The following CUX2 variants were observed in gnomAD, a reference collection of about 807,000 sequenced individuals.
CUX2 encodes cut like homeobox 2.
In CUX2, 40 loss-of-function variants were observed where a neutral mutation model predicts 144.8. That is an observed-to-expected ratio of 0.28 (90% confidence interval 0.21 to 0.36). The LOEUF is 0.36. CUX2 is among the 10% of genes least tolerant of loss of function. The pLI, the probability that CUX2 is intolerant of heterozygous loss-of-function variation, is 1.00. For synonymous variants in CUX2, 827 were observed against 875.6 expected (o/e 0.94, Z 0.98); for missense variants, 1,615 against 1,994.0 (o/e 0.81, Z 3.62).
intron 14 of CUX2, among the ~76,000 whole-genome samples, chr12:111,309,821 CTCTG>C: frequency 6.6e-6 from 1 of 151,466 alleles, no homozygotes; most frequent in Admixed American, 6.6e-5. Context: ...TGATTTCTCT[CTCTG>C]TCTCTCTCAT....
intron 9 of CUX2, among the ~76,000 whole-genome samples, chr12:111,301,283 A>G (rs1012366873): frequency 6.6e-6 from 1 of 152,140 alleles, no homozygotes; most frequent in Non-Finnish European, 1.5e-5. Context: ...CCCAATTCTT[A>G]CTCCTGGGGT....
intron 1 of CUX2, among the ~76,000 whole-genome samples, chr12:111,110,331 C>T (rs572708690): frequency 6.6e-6 from 1 of 152,282 alleles, no homozygotes; most frequent in East Asian, 1.9e-4. Flanking sequence ...TGCTGTTTGC[C>T]TCTTAGCATC....
intron 1 of CUX2, among the ~76,000 whole-genome samples, chr12:111,200,100 G>T (rs1880488278): frequency 1.3e-5 from 2 of 152,120 alleles, no homozygotes; most frequent in Admixed American, 1.3e-4. Flanking sequence ...GCTTTTGCCT[G>T]TGTTGTTTTG....
rs114147895 is a variant in CUX2, at chr12:111,072,355, T to C, written c.63+38115T>C. On this transcript the variant is annotated intron_variant, in intron 1 of 21. Transcript: ENST00000261726. ...ATAGTTTGTTACATTTAGCCTTGCT[T>C]TATTTATATATAGTATTTAGTCTAC... Among the ~76,000 whole-genome samples, 450 of 152,352 alleles carry C rather than the reference T, an allele frequency of 3.0e-3. 5 individuals are homozygous for C. The highest frequency in any genetic ancestry group is 0.01 in the African/African-American group (428 of 41,590).
At chr12:111,137,084 C>T (rs1398034136) in intron 1 of CUX2, among the ~76,000 whole-genome samples, 1 of 151,316 alleles carries the variant, frequency 6.6e-6, no homozygotes, top group African/African-American at 2.4e-5. Flanking sequence ...ACCACAGGCA[C>T]GAGCCACCAC....
intron 1 of CUX2, among the ~76,000 whole-genome samples, chr12:111,167,325 C>G (rs1825110503): frequency 6.6e-6 from 1 of 152,154 alleles, no homozygotes; most frequent in African/African-American, 2.4e-5. Context: ...TGACTTGGCT[C>G]GAAAACCTCT....
chr12:111,262,285 G>C (rs1009036618), intron 3 of CUX2, among the ~76,000 whole-genome samples: 1 of 152,140 alleles, frequency 6.6e-6, no homozygotes, highest in African/African-American at 2.4e-5. Flanking sequence ...CATTTGTTGA[G>C]GGAATGAGAG....
At chr12:111,241,915 G>A (rs1380186805) in intron 3 of CUX2, among the ~76,000 whole-genome samples, 1 of 152,266 alleles carries the variant, frequency 6.6e-6, no homozygotes, top group Non-Finnish European at 1.5e-5. Context: ...TCTGTTCTAA[G>A]TTTTCCTCTT....
intron 1 of CUX2, among the ~76,000 whole-genome samples, chr12:111,161,190 A>T (rs61943042): frequency 0.012 from 1,839 of 152,254 alleles, 20 homozygotes; most frequent in Non-Finnish European, 0.015. Context: ...TGGCCACTTT[A>T]TCCCCATCAG....
Position 111,312,109 on chromosome 12 carries a change from C to A in CUX2, c.1910C>A (p.Thr637Asn). ...CTTCTTGCCTCCCCAGGCAGCATCA[C>A]CCCGAGAATCCGCACGCCTGAGACA... The part of the protein sequence containing the change: ...TIQVRQRGSI[T>N]PRIRTPETGS... The change falls in exon 16 of 22, where the codon ACC becomes AAC. Residue 637 changes from threonine (T) to asparagine (N), a missense_variant. Around this residue, in one of 12 missense-constraint regions of CUX2, gnomAD observed 71 missense variants for 142.3 expected, o/e 0.50. Coordinates refer to ENST00000261726, the MANE Select transcript of CUX2 (RefSeq NM_015267.4). The surrounding 1 kb of genome is among the most constrained non-coding windows in gnomAD (Gnocchi z 4.3). 2 of 1,610,156 alleles carry A rather than the reference C, an allele frequency of 1.2e-6. No individual in the cohort carries two copies. Among genetic ancestry groups the A allele is most frequent in the Non-Finnish European group, 1.7e-6 (2 of 1,176,964 alleles).
Position 111,186,878 on chromosome 12 carries a change from G to C in CUX2, c.64-27322G>C, listed in dbSNP as rs1453897616. Among the ~76,000 whole-genome samples the C allele has an allele frequency of 6.6e-6, 1 of 151,434 alleles. No individual in the cohort carries two copies. The highest frequency in any genetic ancestry group is 2.1e-4 in the South Asian group (1 of 4,800). On this transcript the variant is annotated intron_variant, in intron 1 of 21. Coordinates refer to ENST00000261726, the MANE Select transcript of CUX2 (RefSeq NM_015267.4). The surrounding 1 kb of genome is among the most constrained non-coding windows in gnomAD (Gnocchi z 4.4). ...ATTGCAACCTCCACCTCCTGGGTTC[G>C]AGTGATTCTCCTGCCTCAGCCTCCT... is the stretch of plus-strand genomic sequence containing the variant.
intron 1 of CUX2, among the ~76,000 whole-genome samples, chr12:111,063,305 G>A (rs1223708173): frequency 1.3e-5 from 2 of 152,054 alleles, no homozygotes; most frequent in African/African-American, 2.4e-5. Flanking sequence ...AAAAGAGAAG[G>A]ATCCAAAAAA....
At chr12:111,256,076 T>A (rs1035250384) in intron 3 of CUX2, among the ~76,000 whole-genome samples, 3 of 150,580 alleles carry the variant, frequency 2.0e-5, no homozygotes, top group Admixed American at 6.6e-5. Flanking sequence ...CCCCTCCCCC[T>A]CTGGTACATC....
In CUX2 at chr12:111,289,323, C is replaced by T. The variant is rs868712845; in HGVS notation, c.302-2095C>T. On this transcript the variant is annotated intron_variant, in intron 4 of 21. Coordinates refer to ENST00000261726, the MANE Select transcript of CUX2 (RefSeq NM_015267.4). This position sits in a 1 kb window ranked among gnomAD's most constrained non-coding sequence, Gnocchi z 4.1. ...CTAGGACAGGAGGCCTTTGTGATATCAAAGCAAGAGACCCAGATTCGAGTC... is the reference window on the plus strand; with the variant it reads ...CTAGGACAGGAGGCCTTTGTGATATTAAAGCAAGAGACCCAGATTCGAGTC... Among the ~76,000 whole-genome samples the T allele has an allele frequency of 1.3e-5, 2 of 152,118 alleles. No individual in the cohort carries two copies. Among genetic ancestry groups the T allele is most frequent in the African/African-American group, 4.8e-5 (2 of 41,422 alleles).
chr12:111,154,987 C>T (rs753961155), intron 1 of CUX2, among the ~76,000 whole-genome samples: 12 of 152,156 alleles, frequency 7.9e-5, no homozygotes, highest in Non-Finnish European at 1.5e-4. Context: ...TGGGGCAAGT[C>T]AGGCAATACT....
rs762029333 is a variant in CUX2 at position 111,263,011 on chromosome 12, G to A, written c.223-750G>A. Among the ~76,000 whole-genome samples the A allele has an allele frequency of 4.6e-5, 7 of 152,144 alleles. No individual in the cohort carries two copies. Among genetic ancestry groups the A allele is most frequent in the Non-Finnish European group, 8.8e-5 (6 of 68,032 alleles). ...GGAGGTAGGTCCTGTTATTTACCCC[G>A]CATTTTACAGATGAAGAAACTGAGA... On this transcript the variant is annotated intron_variant, in intron 3 of 21. Transcript: ENST00000261726. This position sits in a 1 kb window ranked among gnomAD's most constrained non-coding sequence, Gnocchi z 4.0.
In CUX2 at chr12:111,078,464, C is replaced by T. The variant is rs566766904; in HGVS notation, c.63+44224C>T. On this transcript the variant is annotated intron_variant, in intron 1 of 21. Transcript: ENST00000261726. ...GGAGGCTCACTTGAAGTCAGGAGTT[C>T]AAGACCAGCCTGTCCAACATAGTGA... Among the ~76,000 whole-genome samples, 7 of 152,052 alleles carry T rather than the reference C, an allele frequency of 4.6e-5. No individual in the cohort carries two copies. In the South Asian group the frequency reaches 8.3e-4, roughly 18 times the overall value.
chr12:111,284,850 T>A (rs1030002370), intron 4 of CUX2, among the ~76,000 whole-genome samples: 3 of 152,162 alleles, frequency 2.0e-5, no homozygotes, highest in Admixed American at 1.3e-4. Context: ...GAGCAGATGT[T>A]TATGAGGCAC....
At position 111,287,996 on chromosome 12, in the gene CUX2, G is replaced by C. The variant is rs537176368; in HGVS notation, c.302-3422G>C. Among the ~76,000 whole-genome samples, 1 of 152,344 alleles carries C rather than the reference G, an allele frequency of 6.6e-6. No individual in the cohort carries two copies. Among genetic ancestry groups the C allele is most frequent in the East Asian group, 1.9e-4 (1 of 5,190 alleles). On this transcript the variant is annotated intron_variant, in intron 4 of 21. Coordinates refer to ENST00000261726, the MANE Select transcript of CUX2 (RefSeq NM_015267.4). This position sits in a 1 kb window ranked among gnomAD's most constrained non-coding sequence, Gnocchi z 4.2. ...CTTGCCTTGTCGAGTTTGCAGTCCA[G>C]TGGGTGTTAATTAGGTGAACCTGCA...
Sources: gnomAD v4.1 joint callset for allele counts (sites outside exome capture counted in the v4.1 genomes callset) on GRCh38, gnomAD v4.1.1 for gene constraint, gnomAD v4.1.1 regional missense constraint, Gnocchi (gnomAD v3.1) non-coding constraint, MANE v1.5 for transcripts, NCBI Gene and HGNC (gene_info 2026-07-23, HGNC 2026-07-21) for gene names.